The following SLCO3A1 variants were observed in gnomAD, a reference collection of about 807,000 sequenced individuals.
SLCO3A1 encodes the protein PGE1 transporter.
A neutral mutation model predicts 63.1 loss-of-function variants in SLCO3A1; 27 were observed. That is an observed-to-expected ratio of 0.43 (90% CI 0.32 to 0.59). The LOEUF (loss-of-function observed/expected upper bound fraction) is 0.59. Among genes scored for constraint, SLCO3A1 ranks in the 20% least tolerant of loss-of-function variants. SLCO3A1 has a pLI of 0.09. For missense variants in SLCO3A1, 773 were observed against 945.8 expected (o/e 0.82, Z 2.40); for synonymous variants, 473 against 409.9 (o/e 1.15, Z -1.86).
At chr15:92,048,957 C>G (rs2046924162) in intron 2 of SLCO3A1, among the ~76,000 whole-genome samples, 1 of 152,246 alleles carries the variant, frequency 6.6e-6, no homozygotes, top group Admixed American at 6.5e-5. Context: ...GCTCACATAA[C>G]TCCATGAAAT....
chr15:92,107,197 A>G (rs1360121612), intron 4 of SLCO3A1, among the ~76,000 whole-genome samples: 1 of 152,200 alleles, frequency 6.6e-6, no homozygotes, highest in Non-Finnish European at 1.5e-5. Flanking sequence ...TAATGATTTT[A>G]ATTTAGAATT....
Position 91,883,361 on chromosome 15 carries a change from G to C in SLCO3A1, c.180+29273G>C, listed in dbSNP as rs1897644219. On this transcript the variant is annotated intron_variant, in intron 1 of 9. Coordinates refer to ENST00000318445, the MANE Select transcript of SLCO3A1 (RefSeq NM_013272.4). The surrounding 1 kb of genome is among the most constrained non-coding windows in gnomAD (Gnocchi z 4.8). Reference sequence around the variant, plus strand: ...CTCCATCAGCTGAGGTACCACAGGGGATGCCAGAGACCTGAGGCTTCTTGG... The same window carrying C: ...CTCCATCAGCTGAGGTACCACAGGGCATGCCAGAGACCTGAGGCTTCTTGG... Among the ~76,000 whole-genome samples the C allele has an allele frequency of 6.6e-6, 1 of 152,182 alleles. No individual in the cohort carries two copies. The highest frequency in any genetic ancestry group is 6.5e-5 in the Admixed American group (1 of 15,284).
At chr15:92,048,309 G>A (rs1473389072) in intron 2 of SLCO3A1, among the ~76,000 whole-genome samples, 2 of 152,082 alleles carry the variant, frequency 1.3e-5, no homozygotes, top group Admixed American at 1.3e-4. Context: ...CTCTGAAATT[G>A]TGCTGCCGTC....
At chr15:92,067,847 G>C (rs990973619) in intron 2 of SLCO3A1, among the ~76,000 whole-genome samples, 1 of 152,156 alleles carries the variant, frequency 6.6e-6, no homozygotes, top group African/African-American at 2.4e-5. Context: ...AGGCGGGGAC[G>C]TCCAAGATCA....
chr15:91,857,514 T>TGGTTTTGG lies in SLCO3A1; in HGVS notation c.180+3426_180+3427insGGTTTTGG, dbSNP rs202196508. Among the ~76,000 whole-genome samples the TGGTTTTGG allele has an allele frequency of 3.7e-3, 571 of 152,320 alleles. 4 individuals carry two copies. The highest frequency in any genetic ancestry group is 0.013 in the African/African-American group (550 of 41,564). On this transcript the variant is annotated intron_variant, in intron 1 of 9. Coordinates refer to ENST00000318445, the MANE Select transcript of SLCO3A1 (RefSeq NM_013272.4). ...TTTTGTATGGAACAGAGAATGCAATTTAATTTTCTTCTACTTGGGTTTTGG... is the reference window on the plus strand; with the variant it reads ...TTTTGTATGGAACAGAGAATGCAATTGGTTTTGGTAATTTTCTTCTACTTGGGTTTTGG...
At chr15:92,111,818 T>C (rs1012861495) in intron 4 of SLCO3A1, among the ~76,000 whole-genome samples, 2 of 152,130 alleles carry the variant, frequency 1.3e-5, no homozygotes, top group Non-Finnish European at 2.9e-5. Flanking sequence ...CATTTCCCAA[T>C]GAGGGTCCCT....
chr15:92,047,076 TATATAATATATAAATATATATAC>T (rs1409528146), intron 2 of SLCO3A1, among the ~76,000 whole-genome samples: 1,539 of 23,836 alleles, frequency 0.065, 449 homozygotes, highest in Middle Eastern at 0.11. Flanking sequence ...TATACAAATA[TATATAATATATAAATATATATAC>T]AAATATATAT....
intron 5 of SLCO3A1, among the ~76,000 whole-genome samples, chr15:92,125,663 A>C (rs2047912322): frequency 6.6e-6 from 1 of 151,906 alleles, no homozygotes; most frequent in Non-Finnish European, 1.5e-5. Context: ...TCCGCTTCCC[A>C]CATCTCATCT....
At chr15:92,133,280 T>A (rs2048018436) in intron 7 of SLCO3A1, among the ~76,000 whole-genome samples, 2 of 146,616 alleles carry the variant, frequency 1.4e-5, no homozygotes, top group Admixed American at 1.4e-4. Flanking sequence ...AAATTGTGTC[T>A]TTCTTGAAAA....
chr15:92,069,723 A>G (rs534889405), intron 2 of SLCO3A1, among the ~76,000 whole-genome samples: 1 of 152,262 alleles, frequency 6.6e-6, no homozygotes, highest in East Asian at 1.9e-4. Context: ...CTTCCCTCTC[A>G]TCTGAACACT....
chr15:91,940,961 A>G (rs1597140743), intron 2 of SLCO3A1, among the ~76,000 whole-genome samples: 1 of 151,982 alleles, frequency 6.6e-6, no homozygotes, highest in South Asian at 2.1e-4. Flanking sequence ...GGCCCCCTTG[A>G]CCTTTGCCCT....
intron 2 of SLCO3A1, among the ~76,000 whole-genome samples, chr15:92,028,790 A>T (rs924747060): frequency 2.6e-5 from 4 of 152,174 alleles, no homozygotes; most frequent in African/African-American, 9.7e-5. Context: ...CCAAGTGGAG[A>T]ATGCCAGAAG....
At chr15:92,037,775 A>G (rs1409307352) in intron 2 of SLCO3A1, among the ~76,000 whole-genome samples, 1 of 152,248 alleles carries the variant, frequency 6.6e-6, no homozygotes, top group Non-Finnish European at 1.5e-5. Context: ...TTCAGGAACT[A>G]GAATATTAGC....
chr15:92,169,561 GA>G (rs1212345840), downstream of SLCO3A1, among the ~76,000 whole-genome samples: 3 of 151,426 alleles, frequency 2.0e-5, no homozygotes, highest in African/African-American at 7.3e-5. Flanking sequence ...GAAACAGACA[GA>G]TAAGAGGAAT....
At chr15:91,962,020 G>A (rs977925901) in intron 2 of SLCO3A1, among the ~76,000 whole-genome samples, 1 of 152,158 alleles carries the variant, frequency 6.6e-6, no homozygotes, top group Non-Finnish European at 1.5e-5. Flanking sequence ...CAAAGTAGTC[G>A]CTGCTGAGTC....
chr15:92,165,119 C>G lies in SLCO3A1; in HGVS notation c.*1984C>G, dbSNP rs2048482915. On this transcript the variant is annotated 3_prime_UTR_variant, in exon 10 of 10. Transcript: ENST00000318445. ...AAATGAAGAGGCTTGAATGACAGCC[C>G]AAATCTAGAGAAGGCACTCAGCAAG... The G allele has an allele frequency of 1.0e-6, 1 of 985,296 alleles. No homozygotes were observed. The highest frequency in any genetic ancestry group is 1.2e-6 in the Non-Finnish European group (1 of 829,916). The allele number at this position is 985,296 out of a possible 1,614,324, so 61.0% of individuals were successfully genotyped here. A position where few individuals can be genotyped will look rare whatever the true frequency, so the allele number is the denominator to read the frequency against.
chr15:91,918,220 C>T (rs780939804), intron 2 of SLCO3A1, among the ~76,000 whole-genome samples: 1 of 152,158 alleles, frequency 6.6e-6, no homozygotes, highest in Admixed American at 6.5e-5. Context: ...GAGGTGGAGG[C>T]GTGGACAGTA....
chr15:91,870,916 G>A (rs1394728641), intron 1 of SLCO3A1, among the ~76,000 whole-genome samples: 1 of 150,916 alleles, frequency 6.6e-6, no homozygotes, highest in African/African-American at 2.4e-5. Context: ...GGTTCTTGAT[G>A]TATTGAACTC....
intron 2 of SLCO3A1, among the ~76,000 whole-genome samples, chr15:92,069,273 T>C (rs574200179): frequency 2.2e-4 from 34 of 152,326 alleles, no homozygotes; most frequent in African/African-American, 7.7e-4. Flanking sequence ...TTACTCACTT[T>C]GTCATGTCAG....
Sources: allele counts gnomAD v4.1 joint callset (sites outside exome capture counted in the v4.1 genomes callset), GRCh38; gene constraint gnomAD v4.1.1; non-coding constraint Gnocchi (gnomAD v3.1); transcripts MANE v1.5; gene names NCBI Gene and HGNC (gene_info 2026-07-23, HGNC 2026-07-21).